The following MSN variants were observed in gnomAD, a reference collection of about 807,000 sequenced individuals.
MSN encodes the protein moesin, also known as epididymis luminal protein 70.
A neutral mutation model predicts 48.0 loss-of-function variants in MSN; 2 were observed. That is an observed-to-expected ratio of 0.04 (90% CI 0.02 to 0.13). MSN has a LOEUF of 0.13. MSN is among the 10% of genes least tolerant of loss of function. MSN has a pLI of 1.00. For synonymous variants in MSN, 146 were observed against 166.9 expected, an observed-to-expected ratio of 0.87 and a Z score of 0.97; for missense variants, 267 against 470.1, an observed-to-expected ratio of 0.57 and a Z score of 3.99.
At chrX:65,704,401 C>T (rs946855517) in intron 1 of MSN, among the ~76,000 whole-genome samples, 1 of 112,177 alleles carries the variant, frequency 8.9e-6, no homozygotes, top group African/African-American at 3.3e-5. Flanking sequence ...TCCTCAATCC[C>T]CAGCTTGAGT....
chrX:65,599,932 G>T (rs745956340), intron 1 of MSN, among the ~76,000 whole-genome samples: 1 of 110,528 alleles, frequency 9.0e-6, no homozygotes, highest in Non-Finnish European at 1.9e-5. Flanking sequence ...CTGGCAGGCA[G>T]CCCTATGGAG....
chrX:65,609,437 C>A (rs1377999604), intron 1 of MSN, among the ~76,000 whole-genome samples: 1 of 111,131 alleles, frequency 9.0e-6, no homozygotes. Context: ...ACTGCTTGTA[C>A]AGGAAATGCC....
At chrX:65,655,377 GTTC>G (rs1216605043) in intron 1 of MSN, among the ~76,000 whole-genome samples, 1 of 111,846 alleles carries the variant, frequency 8.9e-6, no homozygotes, top group African/African-American at 3.2e-5. Context: ...TACCTAAGAT[GTTC>G]TTGGTAGTGA....
exon 1 of MSN, chrX:65,588,554 G>C (rs1047730740): frequency 8.7e-6 from 7 of 806,376 alleles, no homozygotes; most frequent in Non-Finnish European, 1.0e-5. Flanking sequence ...CAGCCCCGCC[G>C]CTCAACCAGC....
chrX:65,635,471 G>A (rs915678504), intron 1 of MSN, among the ~76,000 whole-genome samples: 2 of 111,614 alleles, frequency 1.8e-5, no homozygotes, highest in East Asian at 5.6e-4. Context: ...GACAGTTAAG[G>A]AAAAAGGAGG....
intron 1 of MSN, among the ~76,000 whole-genome samples, chrX:65,592,614 T>A (rs1343186893): frequency 1.8e-5 from 2 of 111,928 alleles, no homozygotes; most frequent in Non-Finnish European, 3.8e-5. Flanking sequence ...TTAGTCACAA[T>A]ACCTCAGCCA....
intron 1 of MSN, among the ~76,000 whole-genome samples, chrX:65,593,651 T>C (rs2070165530): frequency 8.9e-6 from 1 of 112,325 alleles, no homozygotes; most frequent in Non-Finnish European, 1.9e-5. Context: ...CAAGCGACTC[T>C]CCTGCCTCAG....
At chrX:65,700,284 T>C (rs1000550018) in intron 1 of MSN, among the ~76,000 whole-genome samples, 1 of 111,501 alleles carries the variant, frequency 9.0e-6, no homozygotes, top group African/African-American at 3.3e-5. Context: ...CTTTAAGAGG[T>C]CTAGGGACTT....
chrX:65,667,191 GC>G (rs1396223243), upstream of MSN, among the ~76,000 whole-genome samples: 2 of 111,965 alleles, frequency 1.8e-5, no homozygotes, highest in African/African-American at 6.5e-5. Context: ...GATCTGTGTG[GC>G]CTCAGGGAGC....
At chrX:65,634,684 T>TCAC (rs1487278948) in intron 1 of MSN, among the ~76,000 whole-genome samples, 1 of 112,852 alleles carries the variant, frequency 8.9e-6, no homozygotes, top group East Asian at 2.7e-4. Context: ...AATATTCTGA[T>TCAC]CACCTTCATG....
chrX:65,686,754 G>A (rs1228137802), intron 1 of MSN, among the ~76,000 whole-genome samples: 1 of 112,127 alleles, frequency 8.9e-6, no homozygotes, highest in African/African-American at 3.2e-5. Flanking sequence ...GAATTGGTGG[G>A]AAACTTGGAT....
At chrX:65,598,146 T>C (rs1297765606) in intron 1 of MSN, among the ~76,000 whole-genome samples, 1 of 110,563 alleles carries the variant, frequency 9.0e-6, no homozygotes, top group Non-Finnish European at 1.9e-5. Flanking sequence ...ATTCTGAGGT[T>C]GAAGTTCATG....
intron 1 of MSN, among the ~76,000 whole-genome samples, chrX:65,620,880 T>C (rs1453867728): frequency 9.1e-6 from 1 of 109,795 alleles, no homozygotes; most frequent in Non-Finnish European, 1.9e-5. Context: ...TTTTTTTTTT[T>C]TTGAGAGTTT....
chrX:65,624,505 A>T (rs925156199), intron 1 of MSN: 2 of 104,804 alleles, frequency 1.9e-5, no homozygotes, highest in East Asian at 5.8e-4. Flanking sequence ...TCTATTCTCC[A>T]TTTTGTTTAT....
intron 1 of MSN, among the ~76,000 whole-genome samples, chrX:65,615,178 T>C (rs2070357945): frequency 9.0e-6 from 1 of 110,537 alleles, no homozygotes; most frequent in African/African-American, 3.3e-5. Flanking sequence ...TGTGCATGTG[T>C]CTTTATAGCA....
chrX:65,607,508 C>T (rs1420589315), intron 1 of MSN, among the ~76,000 whole-genome samples: 1 of 111,355 alleles, frequency 9.0e-6, no homozygotes, highest in Non-Finnish European at 1.9e-5. Flanking sequence ...GAAGGAGTCA[C>T]CCAAAGGCAC....
At chrX:65,664,874 C>G (rs1024042346), upstream of MSN, among the ~76,000 whole-genome samples, 3 of 109,492 alleles carry the variant, frequency 2.7e-5, no homozygotes, top group African/African-American at 1.0e-4. Flanking sequence ...CTCAGCCTCT[C>G]GAGTAGCTGG....
chrX:65,626,546 G>GT (rs932718507), intron 1 of MSN, among the ~76,000 whole-genome samples: 11 of 109,531 alleles, frequency 1.0e-4, no homozygotes, highest in South Asian at 7.7e-4. Context: ...AAGTTTCTGG[G>GT]TTTTTTTTTA....
Position 65,737,238 on chromosome X carries a change from G to T in MSN, c.1151G>T (p.Ser384Ile). Residue 384 changes from serine to isoleucine, a missense_variant, in exon 10 of 13, where the codon AGC becomes ATC. Ser to Ile is a moderately radical substitution (Grantham distance 142). Transcript: ENST00000360270. ...ELEQERKRAQ[S>I]EAEKLAKERQ... ...GAGCAGGAACGGAAGCGTGCCCAGAGCGAGGCTGAAAAGCTGGCCAAGGAG... is the reference window on the plus strand; with the variant it reads ...GAGCAGGAACGGAAGCGTGCCCAGATCGAGGCTGAAAAGCTGGCCAAGGAG... The T allele has an allele frequency of 8.3e-7, 1 of 1,210,088 alleles. No homozygotes were observed.
Sources: gnomAD v4.1 joint callset for allele counts (sites outside exome capture counted in the v4.1 genomes callset) on GRCh38, gnomAD v4.1.1 for gene constraint, MANE v1.5 for transcripts, NCBI Gene and HGNC (gene_info 2026-07-23, HGNC 2026-07-21) for gene names.